The following TLCD4 variants were observed in gnomAD, a reference collection of about 807,000 sequenced individuals.
TLCD4 encodes the protein TLC domain-containing protein 4.
In TLCD4, 7 loss-of-function variants were observed where a neutral mutation model predicts 24.2. The ratio of observed to expected loss-of-function variants is 0.29; its 90% CI spans 0.16 to 0.54. The LOEUF (loss-of-function observed/expected upper bound fraction) is 0.54, where lower values mean the gene tolerates loss of function less well. Among genes scored for constraint, TLCD4 ranks in the 20% least tolerant of loss-of-function variants. The probability of loss-of-function intolerance (pLI) is 0.95; values close to 1 mark genes in which losing one functional copy is unlikely to be tolerated. For missense variants in TLCD4, 259 were observed against 313.9 expected (o/e 0.82, Z 1.32); for synonymous variants, 103 against 106.4 (o/e 0.97, Z 0.20).
At position 95,142,814 on chromosome 1, in the gene TLCD4, G is replaced by T. The variant is rs1365549147; in HGVS notation, c.-11-1077G>T. Reference sequence around the variant, plus strand: ...AAAATACAAAAATTAACCGAGTGTGGTGGTGCGTGCCTGTAATCCCAGCCG... The same window carrying T: ...AAAATACAAAAATTAACCGAGTGTGTTGGTGCGTGCCTGTAATCCCAGCCG... On this transcript the variant is annotated intron_variant, in intron 1 of 6. Transcript: ENST00000370203. Among the ~76,000 whole-genome samples the T allele has an allele frequency of 3.3e-5, 5 of 152,140 alleles. No individual in the cohort carries two copies. In the East Asian group the frequency reaches 7.7e-4, roughly 24 times the overall value.
the TLCD4 span, among the ~76,000 whole-genome samples, chr1:95,111,365 T>G: frequency 7.3e-5 from 11 of 151,194 alleles, no homozygotes; most frequent in East Asian, 1.9e-3. Flanking sequence ...ATTTACAAAA[T>G]AATAACTGTG....
chr1:95,181,312 T>G (rs1678632685), intron 6 of TLCD4, among the ~76,000 whole-genome samples: 1 of 152,160 alleles, frequency 6.6e-6, no homozygotes, highest in Non-Finnish European at 1.5e-5. Context: ...CTGTTTTCAG[T>G]CTGTTGTGAT....
intron 1 of TLCD4, among the ~76,000 whole-genome samples, chr1:95,124,326 C>T (rs1449458337): frequency 6.6e-6 from 1 of 152,156 alleles, no homozygotes; most frequent in South Asian, 2.1e-4. Flanking sequence ...GGCAAATGAT[C>T]TATAACAAGC....
intron 5 of TLCD4, chr1:95,163,166 C>G (rs887295320): frequency 3.9e-5 from 6 of 152,210 alleles, no homozygotes; most frequent in African/African-American, 1.4e-4. Context: ...GGTCTCTTCA[C>G]ATAGTCTCAT....
intron 5 of TLCD4, among the ~76,000 whole-genome samples, chr1:95,159,152 C>T (rs1677712761): frequency 6.6e-6 from 1 of 152,224 alleles, no homozygotes; most frequent in African/African-American, 2.4e-5. Flanking sequence ...TATTTCTCCA[C>T]ATCCTCTCCA....
chr1:95,122,758 ATTTAAC>A (rs1676605357), intron 1 of TLCD4, among the ~76,000 whole-genome samples: 1 of 152,202 alleles, frequency 6.6e-6, no homozygotes, highest in African/African-American at 2.4e-5. Context: ...GCATTTATTA[ATTTAAC>A]TTTAAAATTT....
At chr1:95,132,784 A>G (rs1676931773) in intron 1 of TLCD4, among the ~76,000 whole-genome samples, 1 of 152,172 alleles carries the variant, frequency 6.6e-6, no homozygotes, top group South Asian at 2.1e-4. Flanking sequence ...CTGGAGTCTT[A>G]AAGAACTCTG....
At chr1:95,162,368 A>T (rs12733553) in intron 5 of TLCD4, among the ~76,000 whole-genome samples, 42,749 of 118,882 alleles carry the variant, frequency 0.36, 9,580 homozygotes, top group Middle Eastern at 0.49. Context: ...ATCTTCCTCC[A>T]TTTCTTTATT....
chr1:95,132,400 T>G (rs1256745949), intron 1 of TLCD4, among the ~76,000 whole-genome samples: 1 of 139,604 alleles, frequency 7.2e-6, no homozygotes, highest in Non-Finnish European at 1.5e-5. Flanking sequence ...GAGGTTGCAG[T>G]GAGCCGAGAT....
chr1:95,113,182 A>T (rs1196791950), upstream of TLCD4, among the ~76,000 whole-genome samples: 1 of 151,592 alleles, frequency 6.6e-6, no homozygotes, highest in African/African-American at 2.4e-5. Context: ...AGCTGGGATT[A>T]CAGGCGTGCG....
intron 5 of TLCD4, among the ~76,000 whole-genome samples, chr1:95,152,717 C>A (rs1459370405): frequency 1.3e-5 from 2 of 152,100 alleles, no homozygotes; most frequent in Non-Finnish European, 2.9e-5. Flanking sequence ...CCTCTTCTGT[C>A]TATATAGAGA....
intron 6 of TLCD4, among the ~76,000 whole-genome samples, chr1:95,182,733 G>C (rs1392862160): frequency 6.6e-6 from 1 of 151,954 alleles, no homozygotes; most frequent in Non-Finnish European, 1.5e-5. Flanking sequence ...AAGGACTCAG[G>C]GGTCCATAAA....
At chr1:95,141,850 T>A (rs892241451) in intron 1 of TLCD4, among the ~76,000 whole-genome samples, 1 of 123,882 alleles carries the variant, frequency 8.1e-6, no homozygotes, top group South Asian at 2.7e-4. Flanking sequence ...GAGGAAAGAA[T>A]TCATTATAGA....
chr1:95,155,236 C>T (rs1677600815), intron 5 of TLCD4, among the ~76,000 whole-genome samples: 1 of 151,944 alleles, frequency 6.6e-6, no homozygotes, highest in Non-Finnish European at 1.5e-5. Flanking sequence ...TCCATAATCG[C>T]TTGCTAAAAG....
intron 1 of TLCD4, among the ~76,000 whole-genome samples, chr1:95,134,580 G>A (rs1349877721): frequency 6.6e-6 from 1 of 152,004 alleles, no homozygotes; most frequent in African/African-American, 2.4e-5. Flanking sequence ...GGACCTAGAG[G>A]AAGGTTGTGG....
chr1:95,153,418 G>A (rs935876478), intron 5 of TLCD4, among the ~76,000 whole-genome samples: 1 of 152,048 alleles, frequency 6.6e-6, no homozygotes, highest in Non-Finnish European at 1.5e-5. Context: ...TTTTAGAAAG[G>A]CTTCATCCTA....
intron 1 of TLCD4, chr1:95,138,417 G>A (rs910004505): frequency 3.3e-5 from 5 of 152,136 alleles, no homozygotes; most frequent in African/African-American, 1.2e-4. Flanking sequence ...TCTCATAGCT[G>A]ATAGTTAAGA....
At chr1:95,165,437 C>T (rs1298229959) in intron 5 of TLCD4, among the ~76,000 whole-genome samples, 16 of 147,196 alleles carry the variant, frequency 1.1e-4, no homozygotes, top group Non-Finnish European at 1.3e-4. Context: ...GAGTGGAATT[C>T]TTGGGCAAAT....
In TLCD4 at chr1:95,136,750, T is replaced by C. The variant is rs371053349; in HGVS notation, c.-11-7141T>C. Among the ~76,000 whole-genome samples, 58 of 152,296 alleles carry C rather than the reference T, an allele frequency of 3.8e-4. 2 individuals are homozygous for C. In the South Asian group the frequency reaches 1.0e-2, roughly 26 times the overall value. On this transcript the variant is annotated intron_variant, in intron 1 of 6. Transcript: ENST00000370203. Reference sequence around the variant, plus strand: ...GATCAAGGTATCCTTCACTTGGTATTCTCCAATCTACCAGGATTTGTTGGT... The same window carrying C: ...GATCAAGGTATCCTTCACTTGGTATCCTCCAATCTACCAGGATTTGTTGGT...
Sources: allele counts gnomAD v4.1 joint callset (sites outside exome capture counted in the v4.1 genomes callset), GRCh38; gene constraint gnomAD v4.1.1; transcripts MANE v1.5; gene names NCBI Gene and HGNC (gene_info 2026-07-23, HGNC 2026-07-21).